IDE: variants seen among roughly 807,000 people sequenced by gnomAD.
The protein encoded by IDE is insulin degrading enzyme, also known as insulin-degrading enzyme.
IDE carries 58 observed loss-of-function variants against 133.2 expected under a neutral mutation model. That is an observed-to-expected ratio of 0.44 (90% CI 0.35 to 0.54). The LOEUF is 0.54. Ranked by LOEUF, IDE falls within the 20% of genes least tolerant of loss-of-function variation. The pLI, the probability that IDE is intolerant of heterozygous loss-of-function variation, is 0.00. For synonymous variants in IDE, 396 were observed against 421.3 expected, an observed-to-expected ratio of 0.94 and a Z score of 0.73; for missense variants, 981 against 1,234.0, an observed-to-expected ratio of 0.79 and a Z score of 3.07.
chr10:92,558,197 T>C (rs1843106546), intron 1 of IDE, among the ~76,000 whole-genome samples: 1 of 151,728 alleles, frequency 6.6e-6, no homozygotes, highest in African/African-American at 2.4e-5. Flanking sequence ...GGATTACAGG[T>C]GCCTGTCACT....
chr10:92,514,611 A>C (rs545165948), intron 5 of IDE, among the ~76,000 whole-genome samples: 1 of 151,806 alleles, frequency 6.6e-6, no homozygotes, highest in Non-Finnish European at 1.5e-5. Context: ...ATTTAAAAAA[A>C]TTTTTTTTGG....
At position 92,483,279 on chromosome 10, in the gene IDE, G is replaced by A. The variant is rs780092696; in HGVS notation, c.1715C>T (p.Ala572Val). 19 of 1,603,074 alleles carry A rather than the reference G, an allele frequency of 1.2e-5. No homozygotes were observed. The highest frequency in any genetic ancestry group is 1.6e-5 in the Non-Finnish European group (19 of 1,170,254). The change falls in exon 14 of 25, where the codon GCT (alanine) becomes GTT (valine). Residue 572 changes from alanine to valine, a missense_variant. Ala to Val is a moderately conservative substitution (Grantham distance 64). Transcript: ENST00000265986. The stretch of plus-strand genomic sequence containing the variant: ...CCTGAAAAATTCAAAGTTGAGACAA[G>A]CCTTCGGCAAAAAAAACTTATCATC... ...KQDDKFFLPK[A>V]CLNFEFFSPF...
chr10:92,463,879 T>C lies in IDE; in HGVS notation c.2613A>G (p.Glu871=). ...CTTCTGTCATGTCCTCTATGGACTT[T>C]TCCATGGTAATTAAGAAAGCTTCCA... The part of the protein sequence containing the change: ...SRVEAFLITM[E]KSIEDMTEEA... Residue 871 remains glutamate (E), a synonymous_variant, in exon 21 of 25, where the codon GAA becomes GAG. Transcript: ENST00000265986. The C allele has an allele frequency of 6.2e-7, 1 of 1,614,212 alleles. No individual in the cohort carries two copies. Among genetic ancestry groups the C allele is most frequent in the Non-Finnish European group, 8.5e-7 (1 of 1,180,030 alleles).
rs117783114 is a variant in IDE, at chr10:92,463,047, T to C, written c.2761+684A>G. ...CTGTACTCAAGCCTGGCTGACAGAGTGAGATACTCTCTGAAAGAACAAAAC... is the reference window on the plus strand; with the variant it reads ...CTGTACTCAAGCCTGGCTGACAGAGCGAGATACTCTCTGAAAGAACAAAAC... On this transcript the variant is annotated intron_variant, in intron 21 of 24. Coordinates refer to ENST00000265986, the MANE Select transcript of IDE (RefSeq NM_004969.4). 5.1e-3 allele frequency among the ~76,000 whole-genome samples: 772 copies of C among 152,120 alleles called. 11 individuals are homozygous for C. Among genetic ancestry groups the C allele is most frequent in the Middle Eastern group, 0.031 (9 of 294 alleles).
intron 11 of IDE, among the ~76,000 whole-genome samples, chr10:92,494,505 G>GC (rs1405348253): frequency 6.6e-6 from 1 of 151,984 alleles, no homozygotes; most frequent in Non-Finnish European, 1.5e-5. Context: ...ACTTTGGGAG[G>GC]CCAAGGCGAG....
At chr10:92,560,955 C>T (rs766988133) in intron 1 of IDE, among the ~76,000 whole-genome samples, 1 of 151,302 alleles carries the variant, frequency 6.6e-6, no homozygotes, top group Non-Finnish European at 1.5e-5. Flanking sequence ...GAACTCAGGC[C>T]GGGTGTGGTG....
At chr10:92,501,968 C>T (rs1848049493) in intron 11 of IDE, among the ~76,000 whole-genome samples, 2 of 152,004 alleles carry the variant, frequency 1.3e-5, no homozygotes, top group African/African-American at 4.8e-5. Context: ...AAGAATGAAA[C>T]TCCATCTAAA....
chr10:92,508,343 T>A, intron 7 of IDE, 138 bp from the exon 8 acceptor site: 2 of 709,470 alleles, frequency 2.8e-6, no homozygotes, highest in Admixed American at 2.6e-5. Flanking sequence ...GAAAAAAAAA[T>A]CAGTTCAGAA....
intron 8 of IDE, 47 bp from the exon 9 acceptor site, chr10:92,507,713 T>C: frequency 9.7e-7 from 1 of 1,028,932 alleles, no homozygotes; most frequent in South Asian, 1.3e-5. Flanking sequence ...CTTGAATCCT[T>C]CAAAGCAGTG....
At chr10:92,481,442 C>A (rs970257658) in intron 14 of IDE, among the ~76,000 whole-genome samples, 1 of 152,024 alleles carries the variant, frequency 6.6e-6, no homozygotes, top group African/African-American at 2.4e-5. Flanking sequence ...AAAAAGAGAA[C>A]AACAAAAACA....
chr10:92,509,757 C>T (rs1848485918), intron 6 of IDE, among the ~76,000 whole-genome samples: 1 of 151,804 alleles, frequency 6.6e-6, no homozygotes, highest in Non-Finnish European at 1.5e-5. Context: ...CCTGTGTCTA[C>T]TAAAAATACA....
chr10:92,501,220 G>C (rs1294805815), intron 11 of IDE, among the ~76,000 whole-genome samples: 1 of 150,864 alleles, frequency 6.6e-6, no homozygotes, highest in East Asian at 1.9e-4. Context: ...AATTAGCTGG[G>C]CATTGGTGGC....
At chr10:92,475,472 T>C (rs1338472957) in intron 16 of IDE, among the ~76,000 whole-genome samples, 1 of 152,224 alleles carries the variant, frequency 6.6e-6, no homozygotes, top group East Asian at 1.9e-4. Context: ...TGAATGTAAG[T>C]GGAAGATATG....
At chr10:92,559,271 A>C (rs987019425) in intron 1 of IDE, 1 of 152,252 alleles carries the variant, frequency 6.6e-6, no homozygotes, top group African/African-American at 2.4e-5. Flanking sequence ...GCTCCTATGC[A>C]TATCCCCAAG....
intron 4 of IDE, among the ~76,000 whole-genome samples, 169 bp downstream of exon 4, chr10:92,531,579 T>C (rs1460389400): frequency 1.3e-5 from 2 of 152,206 alleles, no homozygotes; most frequent in Admixed American, 6.5e-5. Flanking sequence ...TAAGTAGAAA[T>C]GTGGAATTTT....
chr10:92,487,508 T>C (rs1847073371), intron 12 of IDE, among the ~76,000 whole-genome samples, 190 bp from the exon 13 acceptor site: 1 of 152,192 alleles, frequency 6.6e-6, no homozygotes, highest in Admixed American at 6.5e-5. Flanking sequence ...GTCTTTCTAG[T>C]ACTAGCAAAG....
intron 1 of IDE, among the ~76,000 whole-genome samples, chr10:92,573,463 A>C (rs954111750): frequency 6.6e-6 from 1 of 152,150 alleles, no homozygotes; most frequent in African/African-American, 2.4e-5. Context: ...CCCGGAGAAA[A>C]GGGCAGGGCT....
intron 19 of IDE, among the ~76,000 whole-genome samples, chr10:92,466,723 C>T (rs1351277587): frequency 9.9e-5 from 15 of 150,962 alleles, no homozygotes; most frequent in African/African-American, 3.4e-4. Flanking sequence ...GTTCAAGCAA[C>T]TCTCCTACCT....
In IDE at chr10:92,452,087, A is replaced by G. The variant is rs779788279; in HGVS notation, c.*2357T>C. On this transcript the variant is annotated 3_prime_UTR_variant, in exon 25 of 25. Coordinates refer to ENST00000265986, the MANE Select transcript of IDE (RefSeq NM_004969.4). Reference sequence around the variant, plus strand: ...TTTGACAAAAATCATTGTTACCCAGAAACACTTTTAAAATGTTAATATAAT... The same window carrying G: ...TTTGACAAAAATCATTGTTACCCAGGAACACTTTTAAAATGTTAATATAAT... 43 of 152,240 alleles carry G rather than the reference A, an allele frequency of 2.8e-4. No homozygotes were observed. Among genetic ancestry groups the G allele is most frequent in the Admixed American group, 2.0e-3 (30 of 15,284 alleles). The allele number at this position is 152,240 out of a possible 1,614,324, so 9.4% of individuals were successfully genotyped here. A position where few individuals can be genotyped will look rare whatever the true frequency, so the allele number is the denominator to read the frequency against.
Sources: gnomAD v4.1 joint callset for allele counts (sites outside exome capture counted in the v4.1 genomes callset) on GRCh38, gnomAD v4.1.1 for gene constraint, MANE v1.5 for transcripts, NCBI Gene and HGNC (gene_info 2026-07-23, HGNC 2026-07-21) for gene names.